KDM4C: variants seen among roughly 807,000 people sequenced by gnomAD.
The protein encoded by KDM4C is lysine-specific demethylase 4C.
A neutral mutation model predicts 129.3 loss-of-function variants in KDM4C; 81 were observed. The observed-to-expected ratio is 0.63, with a 90% CI of 0.52 to 0.75. The LOEUF is 0.75. Ranked by LOEUF, KDM4C falls within the 30% of genes least tolerant of loss-of-function variation. The pLI, the probability that KDM4C is intolerant of heterozygous loss-of-function variation, is 0.00. For missense variants in KDM4C, 1,457 were observed against 1,304.0 expected, an observed-to-expected ratio of 1.12 and a Z score of -1.81; for synonymous variants, 573 against 456.1, an observed-to-expected ratio of 1.26 and a Z score of -3.26.
chr9:6,902,396 A>G (rs554478384), intron 8 of KDM4C, among the ~76,000 whole-genome samples: 8 of 152,278 alleles, frequency 5.3e-5, no homozygotes, highest in Admixed American at 5.2e-4. Flanking sequence ...AAATGTCCTG[A>G]TGGCTGTCAG....
At chr9:7,144,338 G>T (rs1427657266) in intron 19 of KDM4C, among the ~76,000 whole-genome samples, 1 of 151,876 alleles carries the variant, frequency 6.6e-6, no homozygotes, top group Non-Finnish European at 1.5e-5. Flanking sequence ...CAGGTTCTTT[G>T]GTTGGTCGTC....
chr9:7,022,154 T>C (rs1488361103), intron 15 of KDM4C, among the ~76,000 whole-genome samples: 7 of 152,214 alleles, frequency 4.6e-5, no homozygotes, highest in African/African-American at 1.7e-4. Context: ...TGTGATTCCA[T>C]ATAAATTTTA....
intron 1 of KDM4C, among the ~76,000 whole-genome samples, chr9:6,790,484 C>T (rs1008600387): frequency 1.3e-5 from 2 of 149,924 alleles, no homozygotes; most frequent in Admixed American, 1.3e-4. Context: ...CATCTCCTGA[C>T]CTCAACTGAT....
At chr9:6,793,236 C>G (rs1827061168) in intron 2 of KDM4C, 104 bp downstream of exon 2, 8 of 1,245,816 alleles carry the variant, frequency 6.4e-6, no homozygotes, top group African/African-American at 1.5e-5. Flanking sequence ...AAGAAATTTG[C>G]AAAATCTTTG....
intron 8 of KDM4C, among the ~76,000 whole-genome samples, chr9:6,913,597 C>T (rs1819729181): frequency 6.6e-6 from 1 of 152,178 alleles, no homozygotes; most frequent in South Asian, 2.1e-4. Context: ...CACTTGTCCT[C>T]CTGCCCTGTT....
chr9:6,956,202 T>C (rs193206289), intron 8 of KDM4C, among the ~76,000 whole-genome samples: 1 of 152,306 alleles, frequency 6.6e-6, no homozygotes, highest in African/African-American at 2.4e-5. Flanking sequence ...GTGGTGACTA[T>C]AGTCGATAAT....
At chr9:6,974,980 T>A (rs957925443) in intron 8 of KDM4C, 5 of 152,260 alleles carry the variant, frequency 3.3e-5, no homozygotes, top group African/African-American at 9.6e-5. Flanking sequence ...TAATTTCTAC[T>A]GAATCTTTTG....
chr9:7,157,684 T>A (rs970910811), intron 19 of KDM4C, among the ~76,000 whole-genome samples: 1 of 152,226 alleles, frequency 6.6e-6, no homozygotes, highest in African/African-American at 2.4e-5. Flanking sequence ...TGAACCAGCC[T>A]TGCATCCCAG....
At chr9:7,046,837 A>G (rs779992590) in intron 15 of KDM4C, 25 bp from the exon 16 acceptor site, 12 of 1,554,722 alleles carry the variant, frequency 7.7e-6, no homozygotes, top group African/African-American at 1.4e-5. Context: ...TCTGGTCATC[A>G]TGTGGTATTT....
At chr9:6,955,616 T>C (rs946230301) in intron 8 of KDM4C, among the ~76,000 whole-genome samples, 6 of 152,250 alleles carry the variant, frequency 3.9e-5, no homozygotes, top group Non-Finnish European at 8.8e-5. Context: ...CTCTGATTAA[T>C]GGCATGATGG....
At position 6,967,328 on chromosome 9, in the gene KDM4C, G is replaced by T. The variant is rs559087584; in HGVS notation, c.922-13597G>T. Among the ~76,000 whole-genome samples the T allele has an allele frequency of 3.2e-4, 48 of 151,572 alleles. 1 individual carries two copies. The highest frequency in any genetic ancestry group is 1.1e-3 in the African/African-American group (45 of 41,292). ...AATCCCAGCTACTCGGGGGGCTGAAGCAGGAAGATCACTTGAGCCCAGGAG... is the reference window on the plus strand; with the variant it reads ...AATCCCAGCTACTCGGGGGGCTGAATCAGGAAGATCACTTGAGCCCAGGAG... On this transcript the variant is annotated intron_variant, in intron 8 of 21. Transcript: ENST00000381309.
In KDM4C at chr9:6,893,106, G is replaced by A. The variant is rs1846335134; in HGVS notation, c.795G>A (p.Glu265=). 6.3e-7 allele frequency: 1 copy of A among 1,586,710 alleles called. No homozygotes were observed. The highest frequency in any genetic ancestry group is 8.6e-7 in the Non-Finnish European group (1 of 1,165,924). Residue 265 remains glutamate, a synonymous_variant, in exon 8 of 22, where the codon GAG becomes GAA. Transcript: ENST00000381309. ...TTCCTACCTTGCAGATAACCCAGGA[G>A]GCTGGAGAATTCATGATCACTTTCC... ...YGIPFDKITQ[E]AGEFMITFPY... is the part of the protein sequence containing the mutation.
Position 6,806,908 on chromosome 9 carries a change from C to G in KDM4C, c.320+1134C>G, listed in dbSNP as rs1013960273. Among the ~76,000 whole-genome samples the G allele has an allele frequency of 4.1e-5, 6 of 144,986 alleles. No homozygotes were observed. The East Asian group carries it at 6.7e-4, about 16-fold the overall frequency. ...CCTCTCCCTCTCCCTCTCCCTCTCC[C>G]TCTCCCTCTCCGTCTCCCCACGGTC... is the stretch of plus-strand genomic sequence containing the variant. On this transcript the variant is annotated intron_variant, in intron 3 of 21. Coordinates refer to ENST00000381309, the MANE Select transcript of KDM4C (RefSeq NM_015061.6).
intron 8 of KDM4C, among the ~76,000 whole-genome samples, chr9:6,908,718 A>G (rs990070442): frequency 2.0e-5 from 3 of 152,232 alleles, no homozygotes; most frequent in African/African-American, 7.2e-5. Context: ...GGGGACATTA[A>G]GTAGATTTTA....
chr9:6,901,008 A>G (rs7048678), intron 8 of KDM4C, among the ~76,000 whole-genome samples: 75,782 of 151,300 alleles, frequency 0.5, 19,092 homozygotes, highest in Middle Eastern at 0.61. Flanking sequence ...ACTTTTCCAT[A>G]TTTTTTCAGT....
rs1296480726 is a variant in KDM4C, at chr9:6,834,910, G to A, written c.436-14597G>A. The A allele has an allele frequency of 5.0e-6, 6 of 1,208,642 alleles. No homozygotes were observed. The South Asian group carries it at 7.3e-5, about 15-fold the overall frequency. The allele number at this position is 1,208,642 out of a possible 1,614,324, so 74.9% of individuals were successfully genotyped here. A position where few individuals can be genotyped will look rare whatever the true frequency, so the allele number is the denominator to read the frequency against. ...TCTTTGGCTGTACCACTGGTACCGTGATGGACTCCGGTGACGGGGTCACCC... is the reference window on the plus strand; with the variant it reads ...TCTTTGGCTGTACCACTGGTACCGTAATGGACTCCGGTGACGGGGTCACCC... On this transcript the variant is annotated intron_variant, in intron 4 of 21. Coordinates refer to ENST00000381309, the MANE Select transcript of KDM4C (RefSeq NM_015061.6).
At chr9:7,019,899 G>A (rs1288639217) in intron 15 of KDM4C, among the ~76,000 whole-genome samples, 3 of 151,554 alleles carry the variant, frequency 2.0e-5, no homozygotes, top group Admixed American at 1.3e-4. Flanking sequence ...AACAGAAAGT[G>A]GAGGGTGTAC....
chr9:6,812,936 GAGGCCGATGC>G, intron 3 of KDM4C, among the ~76,000 whole-genome samples: 1 of 152,312 alleles, frequency 6.6e-6, no homozygotes, highest in South Asian at 2.1e-4. Context: ...CAGGAGTTGG[GAGGCCGATGC>G]AGGCGGATCA....
At chr9:6,988,655 GCCA>G (rs71801928) in intron 11 of KDM4C, among the ~76,000 whole-genome samples, 19,006 of 148,992 alleles carry the variant, frequency 0.13, 1,711 homozygotes, top group African/African-American at 0.25. Context: ...ATTTTTTAAA[GCCA>G]TCCATCCATC....
Sources: gnomAD v4.1 joint callset for allele counts (sites outside exome capture counted in the v4.1 genomes callset) on GRCh38, gnomAD v4.1.1 for gene constraint, MANE v1.5 for transcripts, NCBI Gene and HGNC (gene_info 2026-07-23, HGNC 2026-07-21) for gene names.